NOX4: variants seen among roughly 807,000 people sequenced by gnomAD.
NOX4 encodes the protein kidney oxidase-1.
In NOX4, 69 loss-of-function variants were observed where a neutral mutation model predicts 87.6. The ratio of observed to expected loss-of-function variants is 0.79; its 90% confidence interval spans 0.65 to 0.96. The LOEUF (loss-of-function observed/expected upper bound fraction) is 0.96. Ranked by LOEUF, NOX4 falls within the 40% of genes least tolerant of loss-of-function variation. The pLI is 0.00. For synonymous variants in NOX4, 275 were observed against 238.2 expected (o/e 1.15, Z -1.42); for missense variants, 680 against 681.5 (o/e 1.00, Z 0.02).
At chr11:89,547,879 G>A in the NOX4 span, among the ~76,000 whole-genome samples, 1 of 151,958 alleles carries the variant, frequency 6.6e-6, no homozygotes, top group Non-Finnish European at 1.5e-5. Flanking sequence ...TTTCCCTAGA[G>A]CACTTTATGC....
In NOX4 at chr11:89,444,190, G is replaced by C. The variant is rs779238483; in HGVS notation, c.392C>G (p.Ser131Ter). The change falls in exon 5 of 18, where the codon TCA becomes TGA. Residue 131 changes from serine (S) to a stop codon, truncating the protein, a stop_gained. Coordinates refer to ENST00000263317, the MANE Select transcript of NOX4 (RefSeq NM_016931.5). LOFTEE classifies it high-confidence loss of function. ...AACAAAGTCTTCACTGTAATTCACTGAGAAGTTGAGGGCATTCACCAGATG... is the reference window on the plus strand; with the variant it reads ...AACAAAGTCTTCACTGTAATTCACTCAGAAGTTGAGGGCATTCACCAGATG... The part of the protein sequence containing the change: ...AAHLVNALNF[S>*]VNYSEDFVEL... The C allele has an allele frequency of 3.1e-6, 5 of 1,613,590 alleles. No homozygotes were observed. Among genetic ancestry groups the C allele is most frequent in the Non-Finnish European group, 4.2e-6 (5 of 1,179,720 alleles).
intron 4 of NOX4, 37 bp from the exon 5 acceptor site, chr11:89,444,269 G>T (rs1944586521): frequency 1.9e-6 from 3 of 1,543,880 alleles, no homozygotes; most frequent in Non-Finnish European, 2.7e-6. Flanking sequence ...AGTGGGATTT[G>T]CATATATGCT....
Position 89,460,018 on chromosome 11 carries a change from C to T in NOX4, c.154-8123G>A, listed in dbSNP as rs950121034. Among the ~76,000 whole-genome samples, 21 of 152,272 alleles carry T rather than the reference C, an allele frequency of 1.4e-4. 1 individual carries two copies. The South Asian group carries it at 2.7e-3, about 20-fold the overall frequency. On this transcript the variant is annotated intron_variant, in intron 2 of 17. Transcript: ENST00000263317. Reference sequence around the variant, plus strand: ...CAGAAATAATACCACACATCTACAACCATCTGATCTTTGACAAACCTGACA... The same window carrying T: ...CAGAAATAATACCACACATCTACAATCATCTGATCTTTGACAAACCTGACA...
intron 13 of NOX4, 80 bp downstream of exon 13, chr11:89,354,882 A>ATTTTGT: frequency 1.3e-6 from 1 of 759,460 alleles, no homozygotes; most frequent in Admixed American, 2.8e-5. Flanking sequence ...GAAAGATTAC[A>ATTTTGT]TTTTGTTTTT....
intron 8 of NOX4, among the ~76,000 whole-genome samples, chr11:89,414,211 G>A (rs1942636852): frequency 6.6e-6 from 1 of 151,994 alleles, no homozygotes; most frequent in Non-Finnish European, 1.5e-5. Context: ...ATACCAAAAT[G>A]TGTGGGATAG....
chr11:89,367,327 T>A (rs1271585014), intron 12 of NOX4, among the ~76,000 whole-genome samples: 5 of 152,252 alleles, frequency 3.3e-5, no homozygotes, highest in South Asian at 4.1e-4. Context: ...ATCATTCTCA[T>A]AGTTCTGGGG....
At chr11:89,327,411 T>A (rs1352994487) in intron 17 of NOX4, among the ~76,000 whole-genome samples, 3 of 152,228 alleles carry the variant, frequency 2.0e-5, no homozygotes, top group African/African-American at 2.4e-5. Flanking sequence ...GGCTAATTTA[T>A]ATTCACAGTA....
In NOX4 at chr11:89,475,986, C is replaced by T. The variant is rs141019497; in HGVS notation, c.153+14472G>A. On this transcript the variant is annotated intron_variant, in intron 2 of 17. Coordinates refer to ENST00000263317, the MANE Select transcript of NOX4 (RefSeq NM_016931.5). ...GGAAAAAGTATTTTAACACATACTA[C>T]AATTTTAATAAAGAAAATCCTAATA... Among the ~76,000 whole-genome samples the T allele has an allele frequency of 2.0e-3, 305 of 152,200 alleles. 2 individuals carry two copies. The highest frequency in any genetic ancestry group is 7.0e-3 in the African/African-American group (291 of 41,550).
the NOX4 span, among the ~76,000 whole-genome samples, chr11:89,503,855 T>A: frequency 6.9e-6 from 1 of 145,822 alleles, no homozygotes; most frequent in Non-Finnish European, 1.5e-5. Context: ...ACACTTTGGG[T>A]TAGACATCAT....
chr11:89,406,757 G>T (rs1484995583), intron 8 of NOX4, among the ~76,000 whole-genome samples: 1 of 151,990 alleles, frequency 6.6e-6, no homozygotes, highest in East Asian at 1.9e-4. Context: ...AATTTAAATT[G>T]AATAGCCACA....
chr11:89,387,407 A>G (rs1184855554), intron 11 of NOX4, among the ~76,000 whole-genome samples: 4 of 151,728 alleles, frequency 2.6e-5, no homozygotes, highest in African/African-American at 9.7e-5. Flanking sequence ...GTAATTTTCC[A>G]TTACCTACAC....
chr11:89,418,867 A>T (rs1942936954), intron 8 of NOX4, among the ~76,000 whole-genome samples: 1 of 151,964 alleles, frequency 6.6e-6, no homozygotes, highest in African/African-American at 2.4e-5. Context: ...GAAAAAAATG[A>T]CCTTAGAAAA....
At chr11:89,575,241 G>T in the NOX4 span, among the ~76,000 whole-genome samples, 4 of 145,076 alleles carry the variant, frequency 2.8e-5, no homozygotes, top group African/African-American at 1.0e-4. Flanking sequence ...ATGAAGCTTA[G>T]TGCCTATTAA....
intron 13 of NOX4, among the ~76,000 whole-genome samples, chr11:89,353,615 G>T (rs1937745258): frequency 1.3e-5 from 2 of 152,074 alleles, no homozygotes; most frequent in Non-Finnish European, 2.9e-5. Context: ...TTGCAGTATT[G>T]ACTTTATTGC....
intron 11 of NOX4, among the ~76,000 whole-genome samples, chr11:89,375,259 T>G (rs994155216): frequency 5.3e-5 from 8 of 152,148 alleles, no homozygotes; most frequent in Non-Finnish European, 1.0e-4. Flanking sequence ...ATTATTTTAT[T>G]TATAAGTGTG....
chr11:89,344,457 G>A (rs906122193), intron 13 of NOX4, among the ~76,000 whole-genome samples: 1 of 152,146 alleles, frequency 6.6e-6, no homozygotes, highest in Non-Finnish European at 1.5e-5. Flanking sequence ...GGCTGAGGCA[G>A]GAGGATGGCT....
At chr11:89,341,783 C>T (rs939458779) in intron 14 of NOX4, among the ~76,000 whole-genome samples, 2 of 152,010 alleles carry the variant, frequency 1.3e-5, no homozygotes, top group Admixed American at 1.3e-4. Flanking sequence ...AACCACTTAC[C>T]GCTGATGAGG....
At chr11:89,439,160 G>T (rs888887391) in intron 6 of NOX4, among the ~76,000 whole-genome samples, 3 of 148,350 alleles carry the variant, frequency 2.0e-5, no homozygotes, top group Non-Finnish European at 4.4e-5. Context: ...CATTTTAAAG[G>T]TTCCAAGGCT....
intron 11 of NOX4, among the ~76,000 whole-genome samples, chr11:89,384,345 G>A (rs1230111251): frequency 6.6e-6 from 1 of 152,112 alleles, no homozygotes; most frequent in Admixed American, 6.5e-5. Flanking sequence ...TACCTGGGCT[G>A]TACTGCCACA....
Sources: allele counts gnomAD v4.1 joint callset (sites outside exome capture counted in the v4.1 genomes callset), GRCh38; gene constraint gnomAD v4.1.1; transcripts MANE v1.5; gene names NCBI Gene and HGNC (gene_info 2026-07-23, HGNC 2026-07-21).